Variants in BICC1 observed in about 807,000 individuals in gnomAD.
BICC1 encodes BicC family RNA binding protein 1.
Under a neutral mutation model 111.0 loss-of-function variants are expected in BICC1, and 43 were observed. That is an observed-to-expected ratio of 0.39 (90% CI 0.30 to 0.50). BICC1 has a LOEUF of 0.50. Ranked by LOEUF, BICC1 falls within the 20% of genes least tolerant of loss-of-function variation. The pLI is 0.88. For missense variants in BICC1, 1,091 were observed against 1,203.2 expected, an observed-to-expected ratio of 0.91 and a Z score of 1.38; for synonymous variants, 467 against 434.4, an observed-to-expected ratio of 1.07 and a Z score of -0.93.
In BICC1 at chr10:58,828,668, C is replaced by A. The variant is rs534122817; in HGVS notation, c.2795-93C>A. 6 of 1,367,006 alleles carry A rather than the reference C, an allele frequency of 4.4e-6. No homozygotes were observed. The South Asian group carries it at 8.8e-5, about 20-fold the overall frequency. The allele number at this position is 1,367,006 out of a possible 1,614,324, so 84.7% of individuals were successfully genotyped here. A position where few individuals can be genotyped will look rare whatever the true frequency, so the allele number is the denominator to read the frequency against. Reference sequence around the variant, plus strand: ...GACTTGACTTTCCTCAAAAAACCTACCACGTCACCATTTTCTGAGCTCTAG... The same window carrying A: ...GACTTGACTTTCCTCAAAAAACCTAACACGTCACCATTTTCTGAGCTCTAG... On this transcript the variant is annotated intron_variant, in intron 20 of 20. Transcript: ENST00000373886.
Position 58,513,068 on chromosome 10 carries a change from G to C in BICC1, c.-76G>C. 1 of 1,195,522 alleles carries C rather than the reference G, an allele frequency of 8.4e-7. No individual in the cohort carries two copies. The highest frequency in any genetic ancestry group is 3.0e-5 in the South Asian group (1 of 33,704). The allele number at this position is 1,195,522 out of a possible 1,614,324, so 74.1% of individuals were successfully genotyped here. Reference sequence around the variant, plus strand: ...CGCCGCGGCGCTGGGAGCCAGTTGAGCCCGGCCGGCGAGCGGAGGCGGCAG... The same window carrying C: ...CGCCGCGGCGCTGGGAGCCAGTTGACCCCGGCCGGCGAGCGGAGGCGGCAG... On this transcript the variant is annotated 5_prime_UTR_variant, in exon 1 of 21. Transcript: ENST00000373886.
chr10:58,575,253 A>C (rs1198133383), intron 1 of BICC1, among the ~76,000 whole-genome samples: 1 of 151,724 alleles, frequency 6.6e-6, no homozygotes, highest in Non-Finnish European at 1.5e-5. Flanking sequence ...TCATTGTTCA[A>C]CTCCCACTTA....
At chr10:58,736,491 A>G (rs976543872) in intron 3 of BICC1, among the ~76,000 whole-genome samples, 3 of 152,188 alleles carry the variant, frequency 2.0e-5, no homozygotes, top group Admixed American at 1.3e-4. Flanking sequence ...GTGAAAAATC[A>G]AGTACCAAAT....
chr10:58,591,312 G>GT (rs1474904927), intron 1 of BICC1, among the ~76,000 whole-genome samples: 3 of 152,154 alleles, frequency 2.0e-5, no homozygotes, highest in African/African-American at 7.2e-5. Context: ...CATTAGCATA[G>GT]TAAAAACTAT....
In BICC1 at chr10:58,785,352, T is replaced by C. The variant is rs75436133; in HGVS notation, c.387+272T>C. Among the ~76,000 whole-genome samples the C allele has an allele frequency of 0.014, 2,184 of 152,286 alleles. 30 individuals carry two copies. Among genetic ancestry groups the C allele is most frequent in the Non-Finnish European group, 0.02 (1,376 of 67,998 alleles). On this transcript the variant is annotated intron_variant, in intron 4 of 20. Transcript: ENST00000373886. ...TATATATGTATCGTGTATGTATGTGTATATATGTATACATGTACATATATA... is the reference window on the plus strand; with the variant it reads ...TATATATGTATCGTGTATGTATGTGCATATATGTATACATGTACATATATA...
intron 1 of BICC1, among the ~76,000 whole-genome samples, chr10:58,528,815 A>G (rs79567884): frequency 0.031 from 4,707 of 152,028 alleles, 232 homozygotes; most frequent in African/African-American, 0.11. Flanking sequence ...TACAAACCCA[A>G]TGGTACTTTG....
At chr10:58,666,760 A>T (rs1839025580) in intron 2 of BICC1, among the ~76,000 whole-genome samples, 1 of 152,028 alleles carries the variant, frequency 6.6e-6, no homozygotes, top group Admixed American at 6.6e-5. Context: ...ATCTACCTAA[A>T]ACCTCCTACC....
intron 1 of BICC1, among the ~76,000 whole-genome samples, chr10:58,568,653 C>T (rs1843846345): frequency 6.6e-6 from 1 of 152,256 alleles, no homozygotes; most frequent in South Asian, 2.1e-4. Flanking sequence ...TTTTCAACCC[C>T]AAACATCCAG....
chr10:58,614,599 G>A (rs1845540629), intron 1 of BICC1, among the ~76,000 whole-genome samples: 2 of 151,940 alleles, frequency 1.3e-5, no homozygotes, highest in Admixed American at 1.3e-4. Context: ...TTTTCACCTT[G>A]GAACAGAGGT....
In BICC1 at chr10:58,608,553, TC is replaced by T. The variant is rs1373980431; in HGVS notation, c.191-12301del. 3.9e-5 allele frequency among the ~76,000 whole-genome samples: 6 copies of T among 152,372 alleles called. No individual in the cohort carries two copies. In the East Asian group the frequency reaches 1.2e-3, roughly 29 times the overall value. The stretch of plus-strand genomic sequence containing the variant: ...GTTCAAAAGTCTCTACAGTAGTTAT[TC>T]TTTGAATTCCTGTGCTTAATCATCT... On this transcript the variant is annotated intron_variant, in intron 1 of 20. Transcript: ENST00000373886.
intron 2 of BICC1, among the ~76,000 whole-genome samples, chr10:58,630,300 G>A (rs1435657960): frequency 1.3e-5 from 2 of 152,166 alleles, no homozygotes; most frequent in African/African-American, 4.8e-5. Context: ...GTGAATAAGT[G>A]GTGAAGACCC....
chr10:58,610,346 A>G (rs1242448421), intron 1 of BICC1, among the ~76,000 whole-genome samples: 4 of 152,142 alleles, frequency 2.6e-5, no homozygotes, highest in African/African-American at 7.2e-5. Flanking sequence ...TGGCAGGAAA[A>G]AGATTTTACA....
chr10:58,535,251 A>G (rs926117296), intron 1 of BICC1, among the ~76,000 whole-genome samples: 1 of 151,776 alleles, frequency 6.6e-6, no homozygotes, highest in Non-Finnish European at 1.5e-5. Context: ...TGGAAGACTC[A>G]TTACAAAAAG....
chr10:58,736,027 C>T (rs928014937), intron 3 of BICC1, among the ~76,000 whole-genome samples: 17 of 152,120 alleles, frequency 1.1e-4, no homozygotes, highest in Non-Finnish European at 1.6e-4. Flanking sequence ...CGATTACCTA[C>T]GAAGCATCAC....
chr10:58,747,791 C>T (rs930305886), intron 3 of BICC1, among the ~76,000 whole-genome samples: 1 of 152,090 alleles, frequency 6.6e-6, no homozygotes, highest in Non-Finnish European at 1.5e-5. Flanking sequence ...TAGTTGTTAG[C>T]TCTCTTGCTT....
At chr10:58,603,369 G>A (rs1845104979) in intron 1 of BICC1, among the ~76,000 whole-genome samples, 1 of 152,140 alleles carries the variant, frequency 6.6e-6, no homozygotes, top group African/African-American at 2.4e-5. Context: ...CAATGCTTGA[G>A]ACTTACCTGT....
intron 4 of BICC1, among the ~76,000 whole-genome samples, chr10:58,786,623 G>A (rs1843017700): frequency 6.6e-6 from 1 of 152,114 alleles, no homozygotes; most frequent in African/African-American, 2.4e-5. Context: ...AAGACAAATT[G>A]AGTAATTTAT....
At chr10:58,799,363 A>G in intron 12 of BICC1, 111 bp downstream of exon 12, 1 of 728,252 alleles carries the variant, frequency 1.4e-6, no homozygotes, top group Non-Finnish European at 2.0e-6. Context: ...TGCTGTTTGT[A>G]AGAGATAAAC....
rs1248657887 is a variant in BICC1 at position 58,803,092 on chromosome 10, G to T, written c.2031G>T (p.Leu677Phe). Residue 677 changes from leucine to phenylalanine, a missense_variant, in exon 15 of 21, where the codon TTG becomes TTT. Transcript: ENST00000373886. ...TATTTCACAGCAGCACTGACAGGTT[G>T]CTCTCAGACCCTGAACTGAGTGCTA... ...KNSHLHSTDR[L>F]LSDPELSATE... The T allele has an allele frequency of 6.2e-7, 1 of 1,600,328 alleles. No homozygotes were observed.
Sources: gnomAD v4.1 joint callset for allele counts (sites outside exome capture counted in the v4.1 genomes callset) on GRCh38, gnomAD v4.1.1 for gene constraint, MANE v1.5 for transcripts, NCBI Gene and HGNC (gene_info 2026-07-23, HGNC 2026-07-21) for gene names.